OSBPL9: variants seen among roughly 807,000 people sequenced by gnomAD.
OSBPL9 encodes oxysterol binding protein like 9, also known as oxysterol-binding protein-related protein 9.
In OSBPL9, 40 loss-of-function variants were observed where a neutral mutation model predicts 106.6. The ratio of observed to expected loss-of-function variants is 0.38; its 90% CI spans 0.29 to 0.49. The LOEUF is 0.49. Ranked by LOEUF, OSBPL9 falls within the 20% of genes least tolerant of loss-of-function variation. OSBPL9 has a pLI of 0.97. For missense variants in OSBPL9, 609 were observed against 887.2 expected (o/e 0.69, Z 3.98); for synonymous variants, 269 against 295.4 (o/e 0.91, Z 0.92).
At chr1:51,653,598 C>G (rs1026861541) in intron 2 of OSBPL9, among the ~76,000 whole-genome samples, 2 of 152,230 alleles carry the variant, frequency 1.3e-5, no homozygotes, top group Non-Finnish European at 2.9e-5. Flanking sequence ...GTAATCACTT[C>G]TTACATTTGG....
chr1:51,724,575 C>T (rs1662772462), intron 4 of OSBPL9, among the ~76,000 whole-genome samples: 2 of 152,166 alleles, frequency 1.3e-5, no homozygotes, highest in South Asian at 2.1e-4. Context: ...TGAGCTACCA[C>T]GCCTGGCCCA....
At chr1:51,526,753 T>G in the OSBPL9 span, among the ~76,000 whole-genome samples, 1 of 152,026 alleles carries the variant, frequency 6.6e-6, no homozygotes, top group East Asian at 1.9e-4. Flanking sequence ...TAACTTTTAT[T>G]TTTATTTTTT....
intron 18 of OSBPL9, 21 bp downstream of exon 18, chr1:51,784,046 T>G (rs201356685): frequency 6.4e-7 from 1 of 1,561,950 alleles, no homozygotes; most frequent in African/African-American, 1.4e-5. Flanking sequence ...TGGCATTGGG[T>G]GGACTACAAT....
chr1:51,763,644 T>C (rs1022654149), intron 11 of OSBPL9, among the ~76,000 whole-genome samples: 1 of 152,198 alleles, frequency 6.6e-6, no homozygotes, highest in Non-Finnish European at 1.5e-5. Flanking sequence ...TACTTTGATC[T>C]TTACTATTTA....
chr1:51,661,965 G>C (rs914934559), intron 2 of OSBPL9, among the ~76,000 whole-genome samples: 3 of 152,140 alleles, frequency 2.0e-5, no homozygotes, highest in African/African-American at 2.4e-5. Flanking sequence ...GGCGGAGAGT[G>C]ACCACATCCC....
rs530270282 is a variant in OSBPL9 at position 51,594,794 on chromosome 1, G to A, written c.-422-3330G>A. 437 of 152,346 alleles carry A rather than the reference G, an allele frequency of 2.9e-3. 4 individuals carry two copies. Among genetic ancestry groups the A allele is most frequent in the Non-Finnish European group, 5.0e-3 (340 of 68,072 alleles). 9.4% of individuals were successfully genotyped at this position (152,346 alleles called of 1,614,324 possible). On this transcript the variant is annotated intron_variant, in intron 1 of 25. Transcript: ENST00000371714. Reference sequence around the variant, plus strand: ...ACCGGGAAAGTCGGCCTGCCTGACCGCTGGGACAGGTGACAGGCAAGGGCG... The same window carrying A: ...ACCGGGAAAGTCGGCCTGCCTGACCACTGGGACAGGTGACAGGCAAGGGCG...
chr1:51,664,750 A>G (rs1417385538), intron 2 of OSBPL9, among the ~76,000 whole-genome samples: 1 of 152,178 alleles, frequency 6.6e-6, no homozygotes, highest in East Asian at 1.9e-4. Context: ...GTTATATTAG[A>G]ACTAAGGATA....
At chr1:51,636,080 A>ATGTG (rs1306785076) in intron 1 of OSBPL9, among the ~76,000 whole-genome samples, 2 of 125,694 alleles carry the variant, frequency 1.6e-5, no homozygotes, top group Middle Eastern at 3.9e-3. Flanking sequence ...GTATGTATGT[A>ATGTG]TATGTGTGTG....
At chr1:51,760,913 C>A in intron 10 of OSBPL9, 133 bp downstream of exon 10, 3 of 927,728 alleles carry the variant, frequency 3.2e-6, no homozygotes, top group Non-Finnish European at 4.8e-6. Flanking sequence ...AAAAATAATA[C>A]AGCCAAAAGT....
chr1:51,763,263 C>T (rs1039029617), intron 11 of OSBPL9, among the ~76,000 whole-genome samples: 2 of 152,184 alleles, frequency 1.3e-5, no homozygotes, highest in African/African-American at 4.8e-5. Context: ...ACCTCCACCT[C>T]CCAAAGTGCT....
At chr1:51,610,663 G>C (rs1198697801) in intron 2 of OSBPL9, among the ~76,000 whole-genome samples, 1 of 152,168 alleles carries the variant, frequency 6.6e-6, no homozygotes, top group Middle Eastern at 3.2e-3. Context: ...GGGAGAATTA[G>C]CTCCCTAATC....
chr1:51,616,134 G>A (rs1352355374), upstream of OSBPL9, among the ~76,000 whole-genome samples: 1 of 151,104 alleles, frequency 6.6e-6, no homozygotes, highest in East Asian at 1.9e-4. Flanking sequence ...TACAGGGTGC[G>A]CCACCACGCC....
At chr1:51,705,977 T>C (rs989644988) in intron 3 of OSBPL9, among the ~76,000 whole-genome samples, 2 of 152,192 alleles carry the variant, frequency 1.3e-5, no homozygotes, top group African/African-American at 2.4e-5. Context: ...TGTACTGTTT[T>C]TATATAGGAT....
chr1:51,537,401 T>C, the OSBPL9 span, among the ~76,000 whole-genome samples: 49 of 152,034 alleles, frequency 3.2e-4, no homozygotes, highest in Admixed American at 7.2e-4. Flanking sequence ...ATCAGCCATT[T>C]CTCCAAAGAG....
intron 1 of OSBPL9, among the ~76,000 whole-genome samples, chr1:51,582,328 A>T (rs928067843): frequency 6.6e-6 from 1 of 151,914 alleles, no homozygotes; most frequent in South Asian, 2.1e-4. Context: ...CAGCTTCAAC[A>T]GTCTTTTATT....
At position 51,607,602 on chromosome 1, in the gene OSBPL9, C is replaced by CT. The variant is rs149324270; in HGVS notation, c.-352-6700dup. On this transcript the variant is annotated intron_variant, in intron 2 of 25. Transcript: ENST00000371714. Reference sequence around the variant, plus strand: ...GCTCTCTTATTCCCACTAAGTCTCTCTTTAACCTCAAAGGAGATCCAATTC... The same window carrying CT: ...GCTCTCTTATTCCCACTAAGTCTCTCTTTTAACCTCAAAGGAGATCCAATTC... Among the ~76,000 whole-genome samples the CT allele has an allele frequency of 6.0e-3, 909 of 152,352 alleles. 15 individuals are homozygous for CT. The highest frequency in any genetic ancestry group is 0.021 in the African/African-American group (880 of 41,582).
At chr1:51,723,152 C>T (rs142495367) in intron 4 of OSBPL9, among the ~76,000 whole-genome samples, 2 of 152,328 alleles carry the variant, frequency 1.3e-5, no homozygotes, top group Non-Finnish European at 2.9e-5. Flanking sequence ...ATTGACACAT[C>T]ATTATCACTC....
At chr1:51,559,653 T>C in the OSBPL9 span, among the ~76,000 whole-genome samples, 1 of 152,208 alleles carries the variant, frequency 6.6e-6, no homozygotes, top group Non-Finnish European at 1.5e-5. Context: ...GTTTGCCTGC[T>C]TACAGAGGTT....
At chr1:51,699,219 C>T (rs1656719053) in intron 3 of OSBPL9, among the ~76,000 whole-genome samples, 1 of 152,134 alleles carries the variant, frequency 6.6e-6, no homozygotes, top group African/African-American at 2.4e-5. Context: ...ATTAGTCCTG[C>T]TCCTGCTCCT....
Sources: allele counts gnomAD v4.1 joint callset (sites outside exome capture counted in the v4.1 genomes callset), GRCh38; gene constraint gnomAD v4.1.1; transcripts MANE v1.5; gene names NCBI Gene and HGNC (gene_info 2026-07-23, HGNC 2026-07-21).